Variants in HIF1A observed in about 807,000 individuals in gnomAD.
The protein encoded by HIF1A is hypoxia inducible factor 1 subunit alpha.
Under a neutral mutation model 92.7 loss-of-function variants are expected in HIF1A, and 24 were observed. That is an observed-to-expected ratio of 0.26 (90% confidence interval 0.19 to 0.36). HIF1A has a LOEUF of 0.36. Ranked by LOEUF, HIF1A falls within the 10% of genes least tolerant of loss-of-function variation. The probability of loss-of-function intolerance (pLI) is 1.00; values close to 1 mark genes in which losing one functional copy is unlikely to be tolerated. For missense variants in HIF1A, 799 were observed against 998.5 expected (o/e 0.80, Z 2.69); for synonymous variants, 319 against 338.7 (o/e 0.94, Z 0.64).
chr14:61,720,940 C>G (rs1458839812), intron 2 of HIF1A, among the ~76,000 whole-genome samples: 2 of 152,112 alleles, frequency 1.3e-5, no homozygotes, highest in Non-Finnish European at 2.9e-5. Context: ...TACCTTTCTT[C>G]CTTTAAAAAA....
intron 4 of HIF1A, among the ~76,000 whole-genome samples, chr14:61,725,675 A>G (rs534989904): frequency 9.3e-4 from 142 of 152,302 alleles, no homozygotes; most frequent in African/African-American, 3.2e-3. Context: ...TCAGCCTCCC[A>G]AAGTGCTGGG....
At position 61,742,056 on chromosome 14, in the gene HIF1A, T is replaced by C. The variant is rs575202987; in HGVS notation, c.2093+868T>C. Among the ~76,000 whole-genome samples the C allele has an allele frequency of 2.0e-5, 3 of 152,332 alleles. No homozygotes were observed. The South Asian group carries it at 6.2e-4, about 32-fold the overall frequency. On this transcript the variant is annotated intron_variant, in intron 12 of 14. Coordinates refer to ENST00000337138, the MANE Select transcript of HIF1A (RefSeq NM_001530.4). ...GTATTTGTAGAACATTAGCTATATA[T>C]ATATTGCAGGCTACATAGGTTTTCA...
chr14:61,724,590 C>T (rs1178835855), intron 4 of HIF1A, among the ~76,000 whole-genome samples: 2 of 152,130 alleles, frequency 1.3e-5, no homozygotes, highest in South Asian at 2.1e-4. Flanking sequence ...CTCAAGAGTC[C>T]AGCATTTCTA....
chr14:61,719,773 TA>T (rs1232957936), intron 1 of HIF1A, among the ~76,000 whole-genome samples: 9 of 152,196 alleles, frequency 5.9e-5, no homozygotes, highest in Non-Finnish European at 8.8e-5. Context: ...GTTGTGCCAG[TA>T]ATAGATAAGG....
chr14:61,732,382 C>CT (rs752583462), intron 6 of HIF1A, 36 bp from the exon 7 acceptor site: 93 of 1,410,328 alleles, frequency 6.6e-5, no homozygotes, highest in Admixed American at 8.7e-5. Flanking sequence ...CAGTGTCTCC[C>CT]TTTTTTTTCT....
At chr14:61,718,155 A>G (rs1161847679) in intron 1 of HIF1A, among the ~76,000 whole-genome samples, 1 of 152,004 alleles carries the variant, frequency 6.6e-6, no homozygotes, top group African/African-American at 2.4e-5. Context: ...GTTGCTTATA[A>G]AATTCTGAAC....
At chr14:61,714,890 T>C (rs920023383) in intron 1 of HIF1A, among the ~76,000 whole-genome samples, 6 of 152,014 alleles carry the variant, frequency 3.9e-5, no homozygotes, top group African/African-American at 1.2e-4. Context: ...AAAAATTAGC[T>C]GGGCGTGGTG....
In HIF1A at chr14:61,741,245, T is replaced by C. The variant is rs192696339; in HGVS notation, c.2093+57T>C. On this transcript the variant is annotated intron_variant, in intron 12 of 14. Transcript: ENST00000337138. The stretch of plus-strand genomic sequence containing the variant: ...TTTTATTATTTTTGAGATAAATGTA[T>C]GTGATAGTACATGATTTTTAAACTT... The C allele has an allele frequency of 1.6e-3, 1,918 of 1,208,614 alleles. 16 individuals are homozygous for C. The highest frequency in any genetic ancestry group is 1.1e-3 in the Non-Finnish European group (928 of 855,838). 74.9% of individuals were successfully genotyped at this position (1,208,614 alleles called of 1,614,324 possible). A position where few individuals can be genotyped will look rare whatever the true frequency, so the allele number is the denominator to read the frequency against.
intron 1 of HIF1A, among the ~76,000 whole-genome samples, chr14:61,702,688 C>A (rs1354276990): frequency 6.6e-6 from 1 of 152,036 alleles, no homozygotes; most frequent in Non-Finnish European, 1.5e-5. Context: ...TGTTTACAAT[C>A]ATTTGATCTG....
intron 1 of HIF1A, among the ~76,000 whole-genome samples, chr14:61,710,154 C>T (rs2044289804): frequency 6.6e-6 from 1 of 152,032 alleles, no homozygotes; most frequent in Admixed American, 6.5e-5. Context: ...TCATATAATA[C>T]TATATTGTAG....
In HIF1A at chr14:61,748,007, A is replaced by G. The variant is rs2044815434; in HGVS notation, c.*922A>G. 6.6e-6 allele frequency: 1 copy of G among 152,568 alleles called. No individual in the cohort carries two copies. Among genetic ancestry groups the G allele is most frequent in the African/African-American group, 2.4e-5 (1 of 41,454 alleles). 9.5% of individuals were successfully genotyped at this position (152,568 alleles called of 1,614,324 possible). On this transcript the variant is annotated 3_prime_UTR_variant, in exon 15 of 15. Coordinates refer to ENST00000337138, the MANE Select transcript of HIF1A (RefSeq NM_001530.4). ...TGCATTCTTAGCAAAATTGCCTAGTATGTTAATTTGCTCAAAATACAATGT... is the reference window on the plus strand; with the variant it reads ...TGCATTCTTAGCAAAATTGCCTAGTGTGTTAATTTGCTCAAAATACAATGT...
At chr14:61,745,847 C>G (rs754099371) in intron 14 of HIF1A, 30 bp downstream of exon 14, 1 of 1,555,866 alleles carries the variant, frequency 6.4e-7, no homozygotes, top group South Asian at 1.2e-5. Flanking sequence ...CCTTGAACAT[C>G]ACAAAGACAA....
chr14:61,740,449 C>T, intron 10 of HIF1A, 56 bp from the exon 11 acceptor site: 2 of 1,332,312 alleles, frequency 1.5e-6, no homozygotes, highest in East Asian at 4.8e-5. Context: ...ATTCTGACAA[C>T]TAGCAAAGTA....
At chr14:61,746,034 G>A (rs1336330427) in intron 14 of HIF1A, among the ~76,000 whole-genome samples, 1 of 151,986 alleles carries the variant, frequency 6.6e-6, no homozygotes, top group African/African-American at 2.4e-5. Flanking sequence ...GACCAGCCTG[G>A]CCACCATGGT....
At chr14:61,714,020 A>AG (rs1322310769) in intron 1 of HIF1A, among the ~76,000 whole-genome samples, 2 of 152,166 alleles carry the variant, frequency 1.3e-5, no homozygotes, top group Non-Finnish European at 2.9e-5. Flanking sequence ...GTGGGAGCAG[A>AG]GGGGGGAAAA....
At chr14:61,706,473 C>T (rs1306607024) in intron 1 of HIF1A, among the ~76,000 whole-genome samples, 1 of 152,200 alleles carries the variant, frequency 6.6e-6, no homozygotes, top group East Asian at 1.9e-4. Flanking sequence ...GCAATTATAC[C>T]TCACATTACA....
chr14:61,746,122 G>A (rs2044782619), intron 14 of HIF1A, among the ~76,000 whole-genome samples: 1 of 151,570 alleles, frequency 6.6e-6, no homozygotes, highest in Non-Finnish European at 1.5e-5. Flanking sequence ...TACTTGGGAG[G>A]CTGAGGCATG....
chr14:61,741,283 C>G (rs2044708223), intron 12 of HIF1A, 95 bp downstream of exon 12: 1 of 838,382 alleles, frequency 1.2e-6, no homozygotes, highest in Non-Finnish European at 1.9e-6. Flanking sequence ...AGCAAACTTT[C>G]TGATATATAT....
At chr14:61,727,384 C>T in intron 5 of HIF1A, 69 bp from the exon 6 acceptor site, 1 of 1,176,172 alleles carries the variant, frequency 8.5e-7, no homozygotes, top group Non-Finnish European at 1.3e-6. Flanking sequence ...GACTCAACTA[C>T]TTATCTCTGC....
Sources: gnomAD v4.1 joint callset for allele counts (sites outside exome capture counted in the v4.1 genomes callset) on GRCh38, gnomAD v4.1.1 for gene constraint, MANE v1.5 for transcripts, NCBI Gene and HGNC (gene_info 2026-07-23, HGNC 2026-07-21) for gene names.